The following LRP1B variants were observed in gnomAD, a reference collection of about 807,000 sequenced individuals.
LRP1B encodes the protein low-density lipoprotein receptor-related protein 1B.
In LRP1B, 217 loss-of-function variants were observed where a neutral mutation model predicts 556.6. The ratio of observed to expected loss-of-function variants is 0.39; its 90% CI spans 0.35 to 0.44. LRP1B has a LOEUF of 0.44. LRP1B is among the 20% of genes least tolerant of loss of function. The pLI is 1.00. For synonymous variants in LRP1B, 2,047 were observed against 1,865.8 expected, an observed-to-expected ratio of 1.10 and a Z score of -2.50; for missense variants, 5,053 against 5,620.8, an observed-to-expected ratio of 0.90 and a Z score of 3.23.
rs749328053 is a variant in LRP1B, at chr2:140,850,248, G to T, written c.4793C>A (p.Thr1598Lys). 2 of 1,613,214 alleles carry T rather than the reference G, an allele frequency of 1.2e-6. No homozygotes were observed. Among genetic ancestry groups the T allele is most frequent in the East Asian group, 2.2e-5 (1 of 44,806 alleles). Residue 1598 changes from threonine to lysine, a missense_variant, in exon 29 of 91, where the codon ACG (threonine) becomes AAG (lysine). Thr to Lys is a moderately conservative substitution (Grantham distance 78, BLOSUM62 -1). This residue lies in a region of LRP1B where 3,619 missense variants were observed against 3,931.9 expected (regional missense o/e 0.92). Coordinates refer to ENST00000389484, the MANE Select transcript of LRP1B (RefSeq NM_018557.3). ...ATCAATATCAGGGACTGTAAATGCCGTGATGAAGTTAAAGTATGGATTGTC... is the reference window on the plus strand; with the variant it reads ...ATCAATATCAGGGACTGTAAATGCCTTGATGAAGTTAAAGTATGGATTGTC... Reference protein sequence around the residue: ...DIDNPYFNFITAFTVPDIDDV... With the variant: ...DIDNPYFNFIKAFTVPDIDDV...
chr2:141,947,345 G>T (rs1267191729), intron 1 of LRP1B, among the ~76,000 whole-genome samples: 1 of 152,088 alleles, frequency 6.6e-6, no homozygotes, highest in Non-Finnish European at 1.5e-5. Flanking sequence ...GATGAGGCAG[G>T]AGAATTGCTT....
At chr2:141,802,751 G>A (rs1397478530) in intron 2 of LRP1B, among the ~76,000 whole-genome samples, 3 of 152,080 alleles carry the variant, frequency 2.0e-5, no homozygotes, top group Non-Finnish European at 4.4e-5. Context: ...TTTATACACT[G>A]ACTATAAAGA....
chr2:141,887,175 T>A (rs1031659800), intron 1 of LRP1B, among the ~76,000 whole-genome samples: 2 of 152,050 alleles, frequency 1.3e-5, no homozygotes, highest in Non-Finnish European at 2.9e-5. Flanking sequence ...TTTGTATTTT[T>A]AGTAGAAAGG....
intron 2 of LRP1B, among the ~76,000 whole-genome samples, chr2:141,716,094 A>C (rs116438949): frequency 6.5e-4 from 99 of 152,302 alleles, no homozygotes; most frequent in African/African-American, 2.3e-3. Context: ...TAAAGTGTAC[A>C]TCTCTTTCAG....
chr2:141,712,714 G>A (rs554257917), intron 2 of LRP1B, among the ~76,000 whole-genome samples: 47 of 151,766 alleles, frequency 3.1e-4, no homozygotes, highest in Middle Eastern at 3.4e-3. Flanking sequence ...TTGTTGCCCC[G>A]GCTAGAGTAC....
intron 6 of LRP1B, among the ~76,000 whole-genome samples, chr2:141,195,644 G>T (rs1194027880): frequency 1.3e-5 from 2 of 152,076 alleles, no homozygotes; most frequent in African/African-American, 4.8e-5. Flanking sequence ...CCATCATGCA[G>T]CTCTAATGCT....
chr2:140,453,792 CT>C (rs1686975497), intron 62 of LRP1B, among the ~76,000 whole-genome samples: 1 of 151,930 alleles, frequency 6.6e-6, no homozygotes, highest in Non-Finnish European at 1.5e-5. Flanking sequence ...TGTGATTTGC[CT>C]GTTTGTTTCT....
chr2:141,438,799 T>C (rs1330853526), intron 3 of LRP1B, among the ~76,000 whole-genome samples: 1 of 152,090 alleles, frequency 6.6e-6, no homozygotes, highest in South Asian at 2.1e-4. Context: ...CAGGAACTAG[T>C]TCTAGATTGA....
chr2:142,077,309 C>T (rs757321828), intron 1 of LRP1B, among the ~76,000 whole-genome samples: 4 of 152,050 alleles, frequency 2.6e-5, no homozygotes, highest in African/African-American at 4.8e-5. Flanking sequence ...AAGAGAGGAG[C>T]TGAACAAATC....
At chr2:141,500,999 T>A (rs766061694) in intron 2 of LRP1B, among the ~76,000 whole-genome samples, 1 of 152,126 alleles carries the variant, frequency 6.6e-6, no homozygotes, top group African/African-American at 2.4e-5. Flanking sequence ...ATGATATACT[T>A]ATGTAAAACA....
At chr2:141,850,998 C>T (rs994860) in intron 1 of LRP1B, among the ~76,000 whole-genome samples, 150,975 of 151,790 alleles carry the variant, frequency 0.99, 75,085 homozygotes, top group Non-Finnish European at 1. Flanking sequence ...AAATATTAAC[C>T]GCTCACAATA....
intron 35 of LRP1B, among the ~76,000 whole-genome samples, chr2:140,737,588 A>G (rs1687988829): frequency 6.6e-6 from 1 of 152,190 alleles, no homozygotes; most frequent in South Asian, 2.1e-4. Context: ...CTCTGAAGTA[A>G]GAGCAATCAC....
chr2:141,187,703 C>A (rs185325454), intron 7 of LRP1B, among the ~76,000 whole-genome samples: 4 of 151,656 alleles, frequency 2.6e-5, no homozygotes, highest in Non-Finnish European at 5.9e-5. Flanking sequence ...ATCATATGAA[C>A]AAAGATGATG....
At chr2:140,561,149 C>T (rs1397215314) in intron 43 of LRP1B, among the ~76,000 whole-genome samples, 4 of 152,168 alleles carry the variant, frequency 2.6e-5, no homozygotes, top group African/African-American at 9.7e-5. Context: ...TCCTTTTCTT[C>T]ACAGCCAGCC....
At chr2:141,195,496 A>G (rs1475851135) in intron 6 of LRP1B, among the ~76,000 whole-genome samples, 1 of 152,136 alleles carries the variant, frequency 6.6e-6, no homozygotes, top group Non-Finnish European at 1.5e-5. Context: ...TTATGCAGCA[A>G]AAGATAACTC....
intron 3 of LRP1B, among the ~76,000 whole-genome samples, chr2:141,368,102 T>A (rs185477892): frequency 6.6e-6 from 1 of 152,188 alleles, no homozygotes; most frequent in Non-Finnish European, 1.5e-5. Context: ...AAAATTCAGG[T>A]TTTTGTAACT....
At chr2:141,248,512 G>A (rs1473950241) in intron 4 of LRP1B, among the ~76,000 whole-genome samples, 1 of 152,110 alleles carries the variant, frequency 6.6e-6, no homozygotes, top group African/African-American at 2.4e-5. Flanking sequence ...AGCAGAAAGG[G>A]ACATTTCAGT....
intron 3 of LRP1B, among the ~76,000 whole-genome samples, chr2:141,336,112 T>G (rs1309389728): frequency 3.8e-5 from 1 of 26,466 alleles, no homozygotes; most frequent in African/African-American, 2.7e-4. Flanking sequence ...CCCAGACCTG[T>G]CCAAAAAAAA....
chr2:141,479,882 T>C (rs1682854362), intron 3 of LRP1B, among the ~76,000 whole-genome samples: 1 of 152,190 alleles, frequency 6.6e-6, no homozygotes, highest in Admixed American at 6.5e-5. Context: ...AATTTAGATG[T>C]TGATTTTTAA....
Sources: gnomAD v4.1 joint callset for allele counts (sites outside exome capture counted in the v4.1 genomes callset) on GRCh38, gnomAD v4.1.1 for gene constraint, gnomAD v4.1.1 regional missense constraint, MANE v1.5 for transcripts, NCBI Gene and HGNC (gene_info 2026-07-23, HGNC 2026-07-21) for gene names.